FBLN2: variants seen among roughly 807,000 people sequenced by gnomAD.
FBLN2 encodes the protein fibulin 2.
A neutral mutation model predicts 123.7 loss-of-function variants in FBLN2; 81 were observed. That is an observed-to-expected ratio of 0.65 (90% confidence interval 0.55 to 0.79). The LOEUF is 0.79. Among genes scored for constraint, FBLN2 ranks in the 30% least tolerant of loss-of-function variants. The pLI is 0.00. For synonymous variants in FBLN2, 699 were observed against 701.4 expected (o/e 1.00, Z 0.05); for missense variants, 1,603 against 1,681.3 (o/e 0.95, Z 0.81).
chr3:13,625,542 C>T (rs916082903), intron 9 of FBLN2, among the ~76,000 whole-genome samples: 1 of 152,174 alleles, frequency 6.6e-6, no homozygotes, highest in Non-Finnish European at 1.5e-5. Flanking sequence ...CTCCCACCTT[C>T]CCCTGCAGCC....
At position 13,627,893 on chromosome 3, in the gene FBLN2, C is replaced by G. The variant is rs768389085; in HGVS notation, c.2493C>G (p.Thr831=). ...TCQPGFLCQN[T]KGSFYCQARQ... ...AGCCGGGCTTCTTGTGCCAGAACAC[C>G]AAGGGCTCCTTCTACTGCCAGGCCA... The change falls in exon 11 of 18, where the codon ACC becomes ACG. Residue 831 remains threonine (T), a synonymous_variant. Coordinates refer to ENST00000404922, the MANE Select transcript of FBLN2 (RefSeq NM_001004019.2). The G allele has an allele frequency of 1.2e-6, 2 of 1,613,696 alleles. No individual in the cohort carries two copies. Among genetic ancestry groups the G allele is most frequent in the Non-Finnish European group, 1.7e-6 (2 of 1,179,852 alleles).
chr3:13,575,194 C>A (rs1704096123), intron 2 of FBLN2, among the ~76,000 whole-genome samples: 1 of 152,220 alleles, frequency 6.6e-6, no homozygotes. Context: ...GACTTCCCTG[C>A]TGCTTACAGG....
chr3:13,583,414 T>C (rs1704400160), intron 2 of FBLN2, among the ~76,000 whole-genome samples: 1 of 152,248 alleles, frequency 6.6e-6, no homozygotes, highest in Non-Finnish European at 1.5e-5. Flanking sequence ...TGCCAACCCC[T>C]GACTTGGCCC....
chr3:13,609,941 C>A (rs150185884), intron 4 of FBLN2, among the ~76,000 whole-genome samples: 139 of 152,320 alleles, frequency 9.1e-4, no homozygotes, highest in African/African-American at 3.1e-3. Flanking sequence ...TTCTTTCTGG[C>A]CAGGAAGACA....
At chr3:13,551,725 C>T (rs1182197815) in intron 1 of FBLN2, among the ~76,000 whole-genome samples, 1 of 152,080 alleles carries the variant, frequency 6.6e-6, no homozygotes, top group Non-Finnish European at 1.5e-5. Context: ...GCAGCAAATT[C>T]GGGCCTAAGG....
At chr3:13,590,261 G>A (rs1180648399) in intron 2 of FBLN2, among the ~76,000 whole-genome samples, 4 of 151,914 alleles carry the variant, frequency 2.6e-5, no homozygotes, top group Non-Finnish European at 5.9e-5. Flanking sequence ...CTCCTGCCTC[G>A]CCCTCCCAAA....
At position 13,571,511 on chromosome 3, in the gene FBLN2, C is replaced by G. The variant is rs200450669; in HGVS notation, c.1156C>G (p.His386Asp). The change falls in exon 2 of 18, where the codon CAC becomes GAC. Residue 386 changes from histidine to aspartate, a missense_variant. Physicochemically the swap from His to Asp is moderately conservative, Grantham distance 81. Coordinates refer to ENST00000404922, the MANE Select transcript of FBLN2 (RefSeq NM_001004019.2). ...CAGGGACCCAGTCAAGCCCAGCCCC[C>G]ACAACATCCTGTCCACATCACTGCC... ...SPRDPVKPSP[H>D]NILSTSLPDA... 5.7e-5 allele frequency: 92 copies of G among 1,613,672 alleles called. 1 individual carries two copies. In the East Asian group the frequency reaches 2.0e-3, roughly 35 times the overall value.
At chr3:13,556,063 C>A (rs1330487238) in intron 1 of FBLN2, among the ~76,000 whole-genome samples, 1 of 152,196 alleles carries the variant, frequency 6.6e-6, no homozygotes. Flanking sequence ...GCAGGAATGT[C>A]TTCTCTGAGA....
At chr3:13,565,828 A>C (rs1435293655) in intron 1 of FBLN2, among the ~76,000 whole-genome samples, 1 of 152,182 alleles carries the variant, frequency 6.6e-6, no homozygotes, top group Non-Finnish European at 1.5e-5. Context: ...TGAGTCGCAC[A>C]CTGGGCGTCA....
At chr3:13,562,102 C>G (rs1703624956) in intron 1 of FBLN2, among the ~76,000 whole-genome samples, 1 of 152,170 alleles carries the variant, frequency 6.6e-6, no homozygotes, top group Non-Finnish European at 1.5e-5. Flanking sequence ...TTATTTTTCC[C>G]AGTGAACTAG....
At chr3:13,620,015 G>A (rs62233001) in intron 8 of FBLN2, among the ~76,000 whole-genome samples, 184 bp downstream of exon 8, 9,685 of 152,232 alleles carry the variant, frequency 0.064, 323 homozygotes, top group Middle Eastern at 0.13. Context: ...TACGTGCGGT[G>A]TATACATGCA....
At chr3:13,621,987 G>A (rs568029903) in intron 9 of FBLN2, 72 bp downstream of exon 9, 4 of 1,544,028 alleles carry the variant, frequency 2.6e-6, no homozygotes, top group Non-Finnish European at 3.5e-6. Flanking sequence ...CCACCACACT[G>A]TGGCCACATG....
chr3:13,596,288 C>A (rs1222765610), intron 2 of FBLN2, among the ~76,000 whole-genome samples: 1 of 152,184 alleles, frequency 6.6e-6, no homozygotes, highest in African/African-American at 2.4e-5. Flanking sequence ...CAGGTGCATG[C>A]CACCATGCCT....
chr3:13,580,836 T>C (rs1704301790), intron 2 of FBLN2, among the ~76,000 whole-genome samples: 1 of 152,160 alleles, frequency 6.6e-6, no homozygotes. Flanking sequence ...CAGTGCACAT[T>C]TATTATTGCT....
At chr3:13,569,584 G>T (rs1207438026) in intron 1 of FBLN2, among the ~76,000 whole-genome samples, 4 of 151,956 alleles carry the variant, frequency 2.6e-5, no homozygotes, top group Non-Finnish European at 5.9e-5. Context: ...GGACAGCAAG[G>T]CATCAGGATG....
At chr3:13,556,048 C>G (rs2125032123) in intron 1 of FBLN2, among the ~76,000 whole-genome samples, 1 of 152,312 alleles carries the variant, frequency 6.6e-6, no homozygotes, top group Admixed American at 6.5e-5. Context: ...GGCCCCAGCC[C>G]TCTAGCAGGA....
At position 13,637,694 on chromosome 3, in the gene FBLN2, A is replaced by C. The variant is rs1706527107; in HGVS notation, c.3471A>C (p.Pro1157=). The change falls in exon 18 of 18, where the codon CCA becomes CCC. Residue 1157 remains proline (P), a synonymous_variant. Transcript: ENST00000404922. ...PAHIFRIGPA[P]AFTGDTIALN... is the part of the protein sequence containing the mutation. ...ATATCTTCCGCATTGGCCCCGCGCC[A>C]GCCTTCACGGGGGACACCATCGCCC... 1.2e-6 allele frequency: 2 copies of C among 1,614,004 alleles called. No individual in the cohort carries two copies. The highest frequency in any genetic ancestry group is 2.7e-5 in the African/African-American group (2 of 75,068).
intron 16 of FBLN2, among the ~76,000 whole-genome samples, chr3:13,636,169 C>T (rs188947621): frequency 1.9e-3 from 284 of 152,298 alleles, no homozygotes; most frequent in South Asian, 0.011. Flanking sequence ...GAGCCTTGCA[C>T]TGTGTGGCTT....
At chr3:13,593,038 C>T (rs2124858563) in intron 2 of FBLN2, among the ~76,000 whole-genome samples, 1 of 152,308 alleles carries the variant, frequency 6.6e-6, no homozygotes, top group South Asian at 2.1e-4. Context: ...AGCCACAAGG[C>T]CCCTTTGGAT....
Sources: gnomAD v4.1 joint callset for allele counts (sites outside exome capture counted in the v4.1 genomes callset) on GRCh38, gnomAD v4.1.1 for gene constraint, MANE v1.5 for transcripts, NCBI Gene and HGNC (gene_info 2026-07-23, HGNC 2026-07-21) for gene names.